ARNT2: variants seen among roughly 807,000 people sequenced by gnomAD.
ARNT2 encodes the protein aryl hydrocarbon receptor nuclear translocator 2, also known as ARNT protein 2.
A neutral mutation model predicts 91.7 loss-of-function variants in ARNT2; 36 were observed. The ratio of observed to expected loss-of-function variants is 0.39; its 90% CI spans 0.30 to 0.52. The LOEUF is 0.52. Among genes scored for constraint, ARNT2 ranks in the 20% least tolerant of loss-of-function variants. The pLI, the probability that ARNT2 is intolerant of heterozygous loss-of-function variation, is 0.72. For synonymous variants in ARNT2, 365 were observed against 347.1 expected, an observed-to-expected ratio of 1.05 and a Z score of -0.57; for missense variants, 775 against 939.3, an observed-to-expected ratio of 0.83 and a Z score of 2.29.
At chr15:80,467,474 C>T (rs2141392524) in intron 3 of ARNT2, among the ~76,000 whole-genome samples, 1 of 152,192 alleles carries the variant, frequency 6.6e-6, no homozygotes, top group East Asian at 1.9e-4. Context: ...GAGCGAGATC[C>T]CAGAAGTCAG....
At chr15:80,481,546 C>CA (rs1204874680) in intron 5 of ARNT2, among the ~76,000 whole-genome samples, 4 of 151,950 alleles carry the variant, frequency 2.6e-5, no homozygotes, top group East Asian at 1.9e-4. Context: ...CTTACTTCTA[C>CA]AAAAAAATTT....
At chr15:80,459,405 C>G (rs371542734) in intron 3 of ARNT2, among the ~76,000 whole-genome samples, 1 of 152,158 alleles carries the variant, frequency 6.6e-6, no homozygotes. Context: ...GAAACAAGGG[C>G]ACATATCTCC....
chr15:80,480,478 C>G (rs1896868818), intron 5 of ARNT2, among the ~76,000 whole-genome samples: 1 of 152,138 alleles, frequency 6.6e-6, no homozygotes, highest in African/African-American at 2.4e-5. Context: ...TTGTGGGTGA[C>G]CTCAAGCACT....
In ARNT2 at chr15:80,565,292, A is replaced by G. The variant is rs551466213; in HGVS notation, c.1316+2053A>G. On this transcript the variant is annotated intron_variant, in intron 12 of 18. Transcript: ENST00000303329. ...TTGTTCCTTGTCTTTCCTATTAGGA[A>G]TAGTGTTGCAATGAACCTGCAAGTC... Among the ~76,000 whole-genome samples the G allele has an allele frequency of 1.5e-3, 234 of 152,334 alleles. 2 individuals carry two copies. Among genetic ancestry groups the G allele is most frequent in the Middle Eastern group, 3.4e-3 (1 of 294 alleles).
At chr15:80,545,508 A>G (rs894567217) in intron 8 of ARNT2, among the ~76,000 whole-genome samples, 14 of 152,196 alleles carry the variant, frequency 9.2e-5, no homozygotes, top group Non-Finnish European at 1.9e-4. Flanking sequence ...GCCAACTTCT[A>G]GGAGTGATAT....
intron 10 of ARNT2, chr15:80,554,704 A>G (rs1898145274): frequency 5.8e-6 from 1 of 172,988 alleles, no homozygotes; most frequent in Non-Finnish European, 1.2e-5. Context: ...TTCATAAGCA[A>G]CACATCTGTC....
intron 15 of ARNT2, among the ~76,000 whole-genome samples, chr15:80,578,204 G>C (rs1281757447): frequency 6.6e-6 from 1 of 152,148 alleles, no homozygotes; most frequent in Non-Finnish European, 1.5e-5. Flanking sequence ...GAGGTAAGGA[G>C]GGGACAGTTC....
intron 17 of ARNT2, among the ~76,000 whole-genome samples, chr15:80,587,435 G>A (rs573630792): frequency 5.3e-4 from 81 of 152,158 alleles, no homozygotes; most frequent in Non-Finnish European, 2.1e-4. Context: ...AAAATCACCC[G>A]ATTGGGAACC....
chr15:80,500,751 G>A (rs759870378), intron 5 of ARNT2, among the ~76,000 whole-genome samples: 8 of 152,226 alleles, frequency 5.3e-5, no homozygotes, highest in Non-Finnish European at 5.9e-5. Flanking sequence ...TTTAGGATTT[G>A]TGGGCCATGT....
chr15:80,585,604 C>T (rs940012393), intron 17 of ARNT2, among the ~76,000 whole-genome samples: 1 of 152,178 alleles, frequency 6.6e-6, no homozygotes, highest in Non-Finnish European at 1.5e-5. Context: ...TGTGGATGCT[C>T]TGGACTGCAG....
At chr15:80,567,064 G>T (rs1898497741) in intron 12 of ARNT2, among the ~76,000 whole-genome samples, 1 of 152,172 alleles carries the variant, frequency 6.6e-6, no homozygotes, top group Non-Finnish European at 1.5e-5. Context: ...GTGTGGCCCG[G>T]CCTTGAAGAA....
At position 80,570,747 on chromosome 15, in the gene ARNT2, T is replaced by C. The variant is rs1596019792; in HGVS notation, c.1317-3401T>C. The stretch of plus-strand genomic sequence containing the variant: ...GGCGTCATCTTAACTCACCACACTG[T>C]AATTGCTTGCCCACGCCTGTCTTTC... On this transcript the variant is annotated intron_variant, in intron 12 of 18. Coordinates refer to ENST00000303329, the MANE Select transcript of ARNT2 (RefSeq NM_014862.4). Among the ~76,000 whole-genome samples, 6 of 149,344 alleles carry C rather than the reference T, an allele frequency of 4.0e-5. No individual in the cohort carries two copies. The South Asian group carries it at 1.0e-3, about 26-fold the overall frequency.
intron 8 of ARNT2, among the ~76,000 whole-genome samples, chr15:80,548,394 A>G (rs753558152): frequency 3.9e-5 from 6 of 152,144 alleles, no homozygotes; most frequent in African/African-American, 4.8e-5. Flanking sequence ...AATGCCCACT[A>G]TCTCTACTAC....
intron 1 of ARNT2, among the ~76,000 whole-genome samples, chr15:80,450,189 G>T (rs553103363): frequency 6.6e-5 from 10 of 152,196 alleles, no homozygotes; most frequent in Non-Finnish European, 1.3e-4. Flanking sequence ...GTGCAGGAAA[G>T]GTACTCTTAT....
At chr15:80,492,131 T>C (rs1367556838) in intron 5 of ARNT2, among the ~76,000 whole-genome samples, 1 of 152,060 alleles carries the variant, frequency 6.6e-6, no homozygotes, top group Non-Finnish European at 1.5e-5. Context: ...GCCTTGCCCT[T>C]CCAGGCTGAA....
chr15:80,591,449 A>G lies in ARNT2; in HGVS notation c.1919-119A>G. On this transcript the variant is annotated intron_variant, in intron 17 of 18. Coordinates refer to ENST00000303329, the MANE Select transcript of ARNT2 (RefSeq NM_014862.4). This position sits in a 1 kb window ranked among gnomAD's most constrained non-coding sequence, Gnocchi z 5.1. ...ACGAGGATAGCAAACACATTCCGCC[A>G]GCTCTGGATGGAACGTGCCTTTCAG... 3.9e-6 allele frequency: 5 copies of G among 1,286,188 alleles called. No homozygotes were observed. The highest frequency in any genetic ancestry group is 4.4e-6 in the Non-Finnish European group (4 of 906,906). 79.7% of individuals were successfully genotyped at this position (1,286,188 alleles called of 1,614,324 possible).
chr15:80,525,096 G>T (rs1442082640), intron 8 of ARNT2, among the ~76,000 whole-genome samples: 5 of 152,010 alleles, frequency 3.3e-5, no homozygotes, highest in East Asian at 3.9e-4. Flanking sequence ...CCAAATTTTT[G>T]CATGACTTTA....
intron 5 of ARNT2, among the ~76,000 whole-genome samples, chr15:80,499,069 A>C (rs1240583965): frequency 6.6e-6 from 1 of 152,240 alleles, no homozygotes; most frequent in African/African-American, 2.4e-5. Context: ...GGCAGGGGCT[A>C]TAGAGGAGGG....
intron 11 of ARNT2, among the ~76,000 whole-genome samples, chr15:80,559,044 G>T (rs72732075): frequency 2.2e-4 from 34 of 152,140 alleles, no homozygotes; most frequent in African/African-American, 8.0e-4. Flanking sequence ...ACTGGGAGGT[G>T]CAGTTGCCTG....
Sources: allele counts gnomAD v4.1 joint callset (sites outside exome capture counted in the v4.1 genomes callset), GRCh38; gene constraint gnomAD v4.1.1; non-coding constraint Gnocchi (gnomAD v3.1); transcripts MANE v1.5; gene names NCBI Gene and HGNC (gene_info 2026-07-23, HGNC 2026-07-21).